ZXDC: variants seen among roughly 807,000 people sequenced by gnomAD.
ZXDC encodes ZXD family zinc finger C.
A neutral mutation model predicts 63.6 loss-of-function variants in ZXDC; 58 were observed. The ratio of observed to expected loss-of-function variants is 0.91; its 90% confidence interval spans 0.74 to 1.13. The LOEUF (loss-of-function observed/expected upper bound fraction) is 1.13, where lower values mean the gene tolerates loss of function less well. ZXDC is among the 50% of genes most tolerant of loss of function. The pLI, the probability that ZXDC is intolerant of heterozygous loss-of-function variation, is 0.00. For missense variants in ZXDC, 1,133 were observed against 1,148.9 expected (o/e 0.99, Z 0.20); for synonymous variants, 561 against 496.1 (o/e 1.13, Z -1.74).
rs527790499 is a variant in ZXDC, at chr3:126,458,833, TC to T, written c.2212+819del. ...TGGTACTTTGTGAACTGTTGAGGTG[TC>T]CCTTCCTAAGTCACAATTCACACTG... On this transcript the variant is annotated intron_variant, in intron 7 of 9. Transcript: ENST00000389709. The T allele has an allele frequency of 3.5e-5, 34 of 985,396 alleles. No individual in the cohort carries two copies. In the East Asian group the frequency reaches 3.5e-3, roughly 102 times the overall value. The allele number at this position is 985,396 out of a possible 1,614,324, so 61.0% of individuals were successfully genotyped here. A position where few individuals can be genotyped will look rare whatever the true frequency, so the allele number is the denominator to read the frequency against.
At chr3:126,442,152 G>T (rs1933708187) in intron 7 of ZXDC, 2 of 522,398 alleles carry the variant, frequency 3.8e-6, no homozygotes, top group Non-Finnish European at 5.9e-6. Flanking sequence ...TCAGGATTTT[G>T]ATTTTAAAAA....
chr3:126,441,896 G>A lies in ZXDC; in HGVS notation c.2263C>T (p.Pro755Ser). 1.9e-6 allele frequency: 3 copies of A among 1,613,034 alleles called. No homozygotes were observed. The highest frequency in any genetic ancestry group is 1.7e-6 in the Non-Finnish European group (2 of 1,179,598). The change falls in exon 8 of 10, where the codon CCC becomes TCC. Residue 755 changes from proline to serine, a missense_variant. By Grantham distance (74) the Pro-to-Ser change is moderately conservative. Coordinates refer to ENST00000389709, the MANE Select transcript of ZXDC (RefSeq NM_025112.5). ...RKIKEGKMSP[P>S]HFHASQNSWL... ...CTGTTCTGGCTTGCATGGAAATGGG[G>A]AGGACTCATTTTGCCTTCTTTTATT...
chr3:126,465,862 G>C (rs1168377393), intron 5 of ZXDC, among the ~76,000 whole-genome samples: 2 of 152,098 alleles, frequency 1.3e-5, no homozygotes, highest in Admixed American at 6.6e-5. Flanking sequence ...GGGGTGGGAG[G>C]ATCACTTGAG....
chr3:126,451,771 T>C, intron 7 of ZXDC: 1 of 985,400 alleles, frequency 1.0e-6, no homozygotes, highest in Non-Finnish European at 1.2e-6. Flanking sequence ...GAAAGCTCTC[T>C]GTGCGGACGT....
Position 126,474,438 on chromosome 3 carries a change from A to C in ZXDC, c.907+521T>G, listed in dbSNP as rs1459849965. The stretch of plus-strand genomic sequence containing the variant: ...TAAAAGAGGACAGTTTTTAACCTTC[A>C]CAGACGGCTAATTTTTAAAACTTCA... On this transcript the variant is annotated intron_variant, in intron 1 of 9. Transcript: ENST00000389709. Among the ~76,000 whole-genome samples the C allele has an allele frequency of 2.6e-5, 4 of 152,290 alleles. No homozygotes were observed. The East Asian group carries it at 7.7e-4, about 29-fold the overall frequency.
chr3:126,462,200 C>A lies in ZXDC; in HGVS notation c.1462G>T (p.Ala488Ser). Residue 488 changes from alanine to serine, a missense_variant, in exon 6 of 10, where the codon GCT becomes TCT. Transcript: ENST00000389709. ...RRQDLLPQLE[A>S]PSSLTPSSEL... Reference sequence around the variant, plus strand: ...CTGCTGGGAGTAAGAGAACTCGGAGCTTCTAGCTGAGGTAAGAGATCTGAA... The same window carrying A: ...CTGCTGGGAGTAAGAGAACTCGGAGATTCTAGCTGAGGTAAGAGATCTGAA... 1 of 1,597,906 alleles carries A rather than the reference C, an allele frequency of 6.3e-7. No homozygotes were observed. The highest frequency in any genetic ancestry group is 8.5e-7 in the Non-Finnish European group (1 of 1,174,142).
intron 7 of ZXDC, chr3:126,458,699 T>C: frequency 1.0e-6 from 1 of 985,428 alleles, no homozygotes; most frequent in Admixed American, 6.1e-5. Context: ...ATCTACCAGG[T>C]TCAATAAAGG....
intron 7 of ZXDC, among the ~76,000 whole-genome samples, chr3:126,455,441 T>C (rs1420367137): frequency 6.6e-6 from 1 of 152,072 alleles, no homozygotes; most frequent in Non-Finnish European, 1.5e-5. Context: ...TGTCTGCATG[T>C]TGGATTCTAT....
At chr3:126,460,841 A>T in intron 6 of ZXDC, 1 of 985,430 alleles carries the variant, frequency 1.0e-6, no homozygotes, top group Non-Finnish European at 1.2e-6. Flanking sequence ...GTAAAATAAG[A>T]TGTAACATTC....
At chr3:126,448,138 A>C (rs995771006) in intron 7 of ZXDC, among the ~76,000 whole-genome samples, 5 of 152,230 alleles carry the variant, frequency 3.3e-5, no homozygotes, top group Non-Finnish European at 5.9e-5. Context: ...TGGGCTTAGA[A>C]CTGTGCAGGG....
chr3:126,453,117 A>G (rs2107638486), intron 7 of ZXDC: 1 of 985,366 alleles, frequency 1.0e-6, no homozygotes, highest in South Asian at 4.7e-5. Flanking sequence ...ACAAAGGGGG[A>G]GAACTGAGGA....
chr3:126,451,957 GC>G (rs1231402693), intron 7 of ZXDC: 16 of 985,356 alleles, frequency 1.6e-5, no homozygotes, highest in Non-Finnish European at 1.8e-5. Context: ...AGGGCAGGCT[GC>G]CCCCACAGCT....
chr3:126,448,371 G>A (rs1180551889), intron 7 of ZXDC, among the ~76,000 whole-genome samples: 6 of 152,184 alleles, frequency 3.9e-5, no homozygotes, highest in Non-Finnish European at 7.3e-5. Flanking sequence ...CAGTACAGCC[G>A]TGCATTTTGC....
At chr3:126,441,002 A>G (rs1221409372) in intron 8 of ZXDC, 1 of 985,518 alleles carries the variant, frequency 1.0e-6, no homozygotes, top group East Asian at 1.1e-4. Flanking sequence ...GAATCTACAA[A>G]GTGGAGTGGT....
chr3:126,444,457 A>G (rs546371110), intron 7 of ZXDC, among the ~76,000 whole-genome samples: 57 of 152,004 alleles, frequency 3.7e-4, no homozygotes, highest in Admixed American at 1.4e-3. Flanking sequence ...GCATGAACCC[A>G]GGAGGCAGAG....
At chr3:126,460,571 G>T (rs1416284263) in intron 6 of ZXDC, 9 of 985,314 alleles carry the variant, frequency 9.1e-6, no homozygotes, top group Non-Finnish European at 1.1e-5. Context: ...ACCAGGGACT[G>T]ACTGAGCACT....
At chr3:126,458,197 T>C (rs1183084961) in intron 7 of ZXDC, among the ~76,000 whole-genome samples, 2 of 151,762 alleles carry the variant, frequency 1.3e-5, no homozygotes, top group African/African-American at 2.4e-5. Flanking sequence ...TTTAAAGAAG[T>C]GGCAACATTA....
intron 9 of ZXDC, among the ~76,000 whole-genome samples, chr3:126,438,868 T>A (rs1203268633): frequency 6.6e-6 from 1 of 152,154 alleles, no homozygotes; most frequent in East Asian, 1.9e-4. Context: ...ATCTAGCCTG[T>A]CTCCTCCTGC....
chr3:126,474,858 C>G, intron 1 of ZXDC, 101 bp downstream of exon 1: 1 of 1,337,394 alleles, frequency 7.5e-7, no homozygotes, highest in Non-Finnish European at 1.0e-6. Context: ...CCTGCGTCCC[C>G]GGCTTGCTAA....
Sources: allele counts gnomAD v4.1 joint callset (sites outside exome capture counted in the v4.1 genomes callset), GRCh38; gene constraint gnomAD v4.1.1; transcripts MANE v1.5; gene names NCBI Gene and HGNC (gene_info 2026-07-23, HGNC 2026-07-21).